LCOR: variants seen among roughly 807,000 people sequenced by gnomAD.
LCOR encodes the protein ligand dependent nuclear receptor corepressor.
In LCOR, 14 loss-of-function variants were observed where a neutral mutation model predicts 64.4. The ratio of observed to expected loss-of-function variants is 0.22; its 90% CI spans 0.14 to 0.34. The LOEUF (loss-of-function observed/expected upper bound fraction) is 0.34, where lower values mean the gene tolerates loss of function less well. Ranked by LOEUF, LCOR falls within the 10% of genes least tolerant of loss-of-function variation. LCOR has a pLI of 1.00. For missense variants in LCOR, 1,686 were observed against 1,765.3 expected, an observed-to-expected ratio of 0.96 and a Z score of 0.80; for synonymous variants, 643 against 642.5, an observed-to-expected ratio of 1.00 and a Z score of -0.01.
At chr10:96,927,495 C>T (rs370125373) in intron 4 of LCOR, among the ~76,000 whole-genome samples, 6 of 151,602 alleles carry the variant, frequency 4.0e-5, no homozygotes, top group African/African-American at 1.2e-4. Flanking sequence ...ATCTTTTTCT[C>T]TTAAAATTTA....
At chr10:96,909,874 C>CTG (rs141303312) in intron 4 of LCOR, among the ~76,000 whole-genome samples, 420 of 150,856 alleles carry the variant, frequency 2.8e-3, no homozygotes, top group East Asian at 8.3e-3. Flanking sequence ...ATTTTAAACT[C>CTG]TGTGTGTGTG....
intron 7 of LCOR, among the ~76,000 whole-genome samples, chr10:96,972,514 C>A (rs1403104610): frequency 6.6e-6 from 1 of 152,108 alleles, no homozygotes; most frequent in Non-Finnish European, 1.5e-5. Flanking sequence ...AAGTAACTTT[C>A]TGATTGTATT....
At chr10:96,938,719 G>A (rs1344269959) in intron 4 of LCOR, among the ~76,000 whole-genome samples, 3 of 152,022 alleles carry the variant, frequency 2.0e-5, no homozygotes, top group East Asian at 1.9e-4. Flanking sequence ...AATAATAATT[G>A]TATTGCTATA....
At chr10:96,965,134 G>A (rs570976780) in intron 7 of LCOR, among the ~76,000 whole-genome samples, 4 of 151,160 alleles carry the variant, frequency 2.6e-5, no homozygotes, top group African/African-American at 9.7e-5. Flanking sequence ...TCAACCTCCC[G>A]AGTAGCTGGG....
rs555783019 is a variant in LCOR at position 96,977,720 on chromosome 10, G to A, written c.333-3073G>A. Among the ~76,000 whole-genome samples, 549 of 152,234 alleles carry A rather than the reference G, an allele frequency of 3.6e-3. 1 individual carries two copies. Among genetic ancestry groups the A allele is most frequent in the Middle Eastern group, 6.8e-3 (2 of 294 alleles). On this transcript the variant is annotated intron_variant, in intron 7 of 7. Transcript: ENST00000421806. The stretch of plus-strand genomic sequence containing the variant: ...GGGGTCTCACTCTGTCACCCAGGCT[G>A]TAGTACAGTGGCATGATCATAGCTC...
chr10:96,960,839 TTCTTC>T (rs779682906), intron 7 of LCOR: 10 of 152,172 alleles, frequency 6.6e-5, no homozygotes, highest in Non-Finnish European at 1.3e-4. Flanking sequence ...TCCAGGCTCT[TTCTTC>T]TCAGTTTATT....
At chr10:96,910,842 G>T (rs1846818246) in intron 4 of LCOR, among the ~76,000 whole-genome samples, 1 of 152,112 alleles carries the variant, frequency 6.6e-6, no homozygotes, top group South Asian at 2.1e-4. Flanking sequence ...TAGCTAGTTG[G>T]ATTTTCAGTA....
Position 96,991,189 on chromosome 10 carries a change from T to C in LCOR, c.*6055T>C, listed in dbSNP as rs1203634953. 1 of 152,196 alleles carries C rather than the reference T, an allele frequency of 6.6e-6. No homozygotes were observed. The highest frequency in any genetic ancestry group is 1.5e-5 in the Non-Finnish European group (1 of 68,038). The allele number at this position is 152,196 out of a possible 1,614,324, so 9.4% of individuals were successfully genotyped here. On this transcript the variant is annotated 3_prime_UTR_variant, in exon 8 of 8. Transcript: ENST00000421806. Reference sequence around the variant, plus strand: ...TTTTTTTCATATGCTCCAACATTTTTTTCATACAGTCCAGCAATTCTTTTA... The same window carrying C: ...TTTTTTTCATATGCTCCAACATTTTCTTCATACAGTCCAGCAATTCTTTTA...
rs751588970 is a variant in LCOR, at chr10:96,955,604, G to A, written c.332+3408G>A. On this transcript the variant is annotated intron_variant, in intron 7 of 7. Transcript: ENST00000421806. ...CCTCTGGACAGCCATATCCCACATC[G>A]GATCAAGAAGGAGACCCTGGCTCCA... 6.2e-6 allele frequency: 10 copies of A among 1,614,038 alleles called. No homozygotes were observed. In the African/African-American group the frequency reaches 6.7e-5, roughly 11 times the overall value.
chr10:96,969,684 G>A (rs190082408), intron 7 of LCOR, among the ~76,000 whole-genome samples: 90 of 152,090 alleles, frequency 5.9e-4, no homozygotes, highest in African/African-American at 2.1e-3. Context: ...TTATCAATTA[G>A]GGGTTGTGTG....
intron 2 of LCOR, among the ~76,000 whole-genome samples, chr10:96,868,454 T>C (rs1328016881): frequency 6.6e-6 from 1 of 151,598 alleles, no homozygotes; most frequent in Non-Finnish European, 1.5e-5. Flanking sequence ...TTTTGTATTT[T>C]TAGTAGAGAC....
intron 7 of LCOR, chr10:96,956,511 C>A (rs1847786501): frequency 4.1e-6 from 4 of 982,492 alleles, no homozygotes; most frequent in Middle Eastern, 5.2e-4. Flanking sequence ...TTTATAGTTA[C>A]ATTTTATAAT....
intron 2 of LCOR, among the ~76,000 whole-genome samples, chr10:96,893,229 A>G (rs1270035558): frequency 6.6e-6 from 1 of 152,100 alleles, no homozygotes; most frequent in African/African-American, 2.4e-5. Context: ...ATCTTTATGC[A>G]TTGTTTGTCC....
chr10:96,901,394 T>C (rs924752032), intron 2 of LCOR, among the ~76,000 whole-genome samples: 1 of 152,070 alleles, frequency 6.6e-6, no homozygotes, highest in African/African-American at 2.4e-5. Flanking sequence ...TTCCTCTTAT[T>C]TTAAGTAAAA....
chr10:96,957,599 G>A, intron 7 of LCOR: 1 of 985,354 alleles, frequency 1.0e-6, no homozygotes, highest in Non-Finnish European at 1.2e-6. Context: ...ATTAAAATTG[G>A]AGGGTTGGTT....
At chr10:96,860,482 C>G (rs1188474644) in intron 2 of LCOR, among the ~76,000 whole-genome samples, 1 of 152,170 alleles carries the variant, frequency 6.6e-6, no homozygotes, top group Non-Finnish European at 1.5e-5. Context: ...GGATTCTTTT[C>G]TAGAGCCTTT....
chr10:96,941,249 A>C (rs1181995708), intron 4 of LCOR, among the ~76,000 whole-genome samples: 26 of 70,270 alleles, frequency 3.7e-4, no homozygotes, highest in Admixed American at 6.0e-4. Flanking sequence ...TGACCCCCCC[A>C]CCTCCCTCCC....
Position 96,981,483 on chromosome 10 carries a change from A to G in LCOR, c.1023A>G (p.Arg341=), listed in dbSNP as rs1300983894. 4 of 1,614,096 alleles carry G rather than the reference A, an allele frequency of 2.5e-6. No homozygotes were observed. The highest frequency in any genetic ancestry group is 1.1e-5 in the South Asian group (1 of 91,088). Residue 341 remains arginine, a synonymous_variant, in exon 8 of 8, where the codon AGA becomes AGG. Transcript: ENST00000421806. ...EEGNTCIIPQ[R]NLFKALSEEA... Reference sequence around the variant, plus strand: ...GCAATACCTGTATTATTCCTCAAAGAAATTTGTTCAAAGCTTTATCAGAAG... The same window carrying G: ...GCAATACCTGTATTATTCCTCAAAGGAATTTGTTCAAAGCTTTATCAGAAG...
chr10:96,957,581 AAAAT>A, intron 7 of LCOR: 2 of 985,382 alleles, frequency 2.0e-6, no homozygotes, highest in South Asian at 9.4e-5. Context: ...GTTTCAGTGT[AAAAT>A]AAAATTAAAA....
Sources: gnomAD v4.1 joint callset for allele counts (sites outside exome capture counted in the v4.1 genomes callset) on GRCh38, gnomAD v4.1.1 for gene constraint, MANE v1.5 for transcripts, NCBI Gene and HGNC (gene_info 2026-07-23, HGNC 2026-07-21) for gene names.